The following HCRTR2 variants were observed in gnomAD, a reference collection of about 807,000 sequenced individuals.
The protein encoded by HCRTR2 is orexin receptor type 2.
A neutral mutation model predicts 49.0 loss-of-function variants in HCRTR2; 22 were observed. That is an observed-to-expected ratio of 0.45 (90% CI 0.32 to 0.64). HCRTR2 has a LOEUF of 0.64. HCRTR2 is among the 30% of genes least tolerant of loss of function. HCRTR2 has a pLI of 0.04. For synonymous variants in HCRTR2, 236 were observed against 205.3 expected, an observed-to-expected ratio of 1.15 and a Z score of -1.28; for missense variants, 491 against 559.4, an observed-to-expected ratio of 0.88 and a Z score of 1.23.
intron 6 of HCRTR2, 128 bp from the exon 7 acceptor site, chr6:55,282,097 C>T (rs1016425561): frequency 7.3e-6 from 5 of 686,784 alleles, no homozygotes; most frequent in East Asian, 5.4e-5. Flanking sequence ...TCTATTTTAC[C>T]CATCTTTGCA....
At chr6:55,236,855 A>G (rs1766223877) in intron 1 of HCRTR2, among the ~76,000 whole-genome samples, 1 of 152,196 alleles carries the variant, frequency 6.6e-6, no homozygotes, top group African/African-American at 2.4e-5. Flanking sequence ...GTTTTGAAAA[A>G]TTCTTAGATA....
At chr6:55,119,756 A>G (rs1764170079) in intron 1 of HCRTR2, among the ~76,000 whole-genome samples, 1 of 152,008 alleles carries the variant, frequency 6.6e-6, no homozygotes, top group Non-Finnish European at 1.5e-5. Context: ...TTTGCTATGC[A>G]GAAGCTCTTT....
At chr6:55,173,238 A>G (rs1443498780), upstream of HCRTR2, among the ~76,000 whole-genome samples, 6 of 152,104 alleles carry the variant, frequency 3.9e-5, no homozygotes, top group Non-Finnish European at 8.8e-5. Flanking sequence ...GTGGCTTGAG[A>G]CCTTGGTTTA....
intron 1 of HCRTR2, among the ~76,000 whole-genome samples, chr6:55,215,137 C>A (rs1327941005): frequency 6.6e-6 from 1 of 152,092 alleles, no homozygotes; most frequent in Non-Finnish European, 1.5e-5. Flanking sequence ...ACATTATAAT[C>A]TAATTATCAA....
chr6:55,159,486 G>A (rs1439568262), intron 1 of HCRTR2, among the ~76,000 whole-genome samples: 3 of 152,198 alleles, frequency 2.0e-5, no homozygotes, highest in Non-Finnish European at 2.9e-5. Flanking sequence ...GACAGAGAAT[G>A]AGTTTGATGA....
chr6:55,148,227 G>T (rs1764619996), intron 1 of HCRTR2, among the ~76,000 whole-genome samples: 1 of 151,952 alleles, frequency 6.6e-6, no homozygotes, highest in Middle Eastern at 3.2e-3. Context: ...GTTTTCTACT[G>T]TGAAATGATC....
chr6:55,258,941 C>T (rs1766703629), intron 3 of HCRTR2, among the ~76,000 whole-genome samples: 4 of 152,102 alleles, frequency 2.6e-5, no homozygotes, highest in Admixed American at 2.6e-4. Context: ...ATTCCAGCTA[C>T]TCGGGAAGCT....
At chr6:55,261,617 C>CA (rs1191660662) in intron 3 of HCRTR2, among the ~76,000 whole-genome samples, 8 of 151,874 alleles carry the variant, frequency 5.3e-5, no homozygotes, top group Non-Finnish European at 1.0e-4. Flanking sequence ...ATCAAAAAGC[C>CA]AAAAAATTAA....
chr6:55,198,029 A>G (rs1226863900), intron 1 of HCRTR2, among the ~76,000 whole-genome samples: 2 of 152,148 alleles, frequency 1.3e-5, no homozygotes, highest in Non-Finnish European at 2.9e-5. Flanking sequence ...TCTAACAAGA[A>G]ACTCAATCCT....
At chr6:55,231,121 C>A (rs926525686) in intron 1 of HCRTR2, among the ~76,000 whole-genome samples, 1 of 152,024 alleles carries the variant, frequency 6.6e-6, no homozygotes, top group Non-Finnish European at 1.5e-5. Context: ...AATCAATATT[C>A]TACTTATAAA....
chr6:55,257,841 G>A (rs1197261859), intron 3 of HCRTR2, among the ~76,000 whole-genome samples: 1 of 151,694 alleles, frequency 6.6e-6, no homozygotes, highest in African/African-American at 2.4e-5. Context: ...TGCTTGTAAA[G>A]ACTAAAATTA....
At chr6:55,149,673 T>C (rs1384570286) in intron 1 of HCRTR2, among the ~76,000 whole-genome samples, 3 of 152,024 alleles carry the variant, frequency 2.0e-5, no homozygotes, top group Non-Finnish European at 2.9e-5. Flanking sequence ...ACCTTGACCA[T>C]ATAAAGAACT....
At chr6:55,183,838 A>G (rs2127274447) in intron 1 of HCRTR2, among the ~76,000 whole-genome samples, 1 of 152,314 alleles carries the variant, frequency 6.6e-6, no homozygotes, top group East Asian at 1.9e-4. Context: ...AAAAACAAGG[A>G]AAGAAGAGAA....
Position 55,108,906 on chromosome 6 carries a change from G to A in HCRTR2, c.-378+2361G>A, listed in dbSNP as rs190250011. 3.4e-3 allele frequency among the ~76,000 whole-genome samples: 512 copies of A among 152,256 alleles called. 2 individuals carry two copies. The highest frequency in any genetic ancestry group is 5.5e-3 in the Non-Finnish European group (376 of 68,024). Reference sequence around the variant, plus strand: ...ATCCTGCTTGTTTTCTCAGCAGGGAGGCTTGTAGCCTGGGGCAAGTTCCCA... The same window carrying A: ...ATCCTGCTTGTTTTCTCAGCAGGGAAGCTTGTAGCCTGGGGCAAGTTCCCA... On this transcript the variant is annotated intron_variant, in intron 1 of 7. Transcript: ENST00000615358.
At chr6:55,180,505 A>C (rs1765112995) in intron 1 of HCRTR2, among the ~76,000 whole-genome samples, 1 of 152,196 alleles carries the variant, frequency 6.6e-6, no homozygotes, top group African/African-American at 2.4e-5. Context: ...AGGTCGGGCT[A>C]GGGTTACTTT....
At chr6:55,262,395 A>C in intron 3 of HCRTR2, among the ~76,000 whole-genome samples, 1 of 138,040 alleles carries the variant, frequency 7.2e-6, no homozygotes, top group Non-Finnish European at 1.5e-5. Flanking sequence ...TTATATATAA[A>C]TATATAATGT....
At chr6:55,181,994 T>C (rs1301926862) in intron 1 of HCRTR2, among the ~76,000 whole-genome samples, 2 of 152,376 alleles carry the variant, frequency 1.3e-5, no homozygotes, top group Admixed American at 6.5e-5. Flanking sequence ...CAGAAATCCA[T>C]GTGGACTGTT....
At chr6:55,131,626 T>C (rs1291792873) in intron 1 of HCRTR2, among the ~76,000 whole-genome samples, 1 of 151,704 alleles carries the variant, frequency 6.6e-6, no homozygotes, top group Non-Finnish European at 1.5e-5. Context: ...AAGGCAAAAA[T>C]TTTAAGTGGA....
chr6:55,262,414 TTA>T (rs1031875150), intron 3 of HCRTR2, among the ~76,000 whole-genome samples: 4 of 135,800 alleles, frequency 2.9e-5, no homozygotes, highest in African/African-American at 8.4e-5. Context: ...GTATTATATG[TTA>T]TATATAATAT....
Sources: allele counts gnomAD v4.1 joint callset (sites outside exome capture counted in the v4.1 genomes callset), GRCh38; gene constraint gnomAD v4.1.1; transcripts MANE v1.5; gene names NCBI Gene and HGNC (gene_info 2026-07-23, HGNC 2026-07-21).